Variants in CA10 observed in about 807,000 individuals in gnomAD.
CA10 encodes carbonic anhydrase 10 (inactive).
Under a neutral mutation model 44.2 loss-of-function variants are expected in CA10, and 14 were observed. That is an observed-to-expected ratio of 0.32 (90% confidence interval 0.21 to 0.50). The LOEUF is 0.50. CA10 is among the 20% of genes least tolerant of loss of function. CA10 has a pLI of 0.99. For missense variants in CA10, 350 were observed against 409.7 expected (o/e 0.85, Z 1.26); for synonymous variants, 159 against 141.6 (o/e 1.12, Z -0.87).
Position 51,916,687 on chromosome 17 carries a change from A to G in CA10, c.279+14303T>C, listed in dbSNP as rs1332161886. On this transcript the variant is annotated intron_variant, in intron 3 of 8. Transcript: ENST00000451037. Reference sequence around the variant, plus strand: ...ACCCAGCCTTGGGTATATCTTTATCAGCAGTATGAAAGCAGACTAATACAA... The same window carrying G: ...ACCCAGCCTTGGGTATATCTTTATCGGCAGTATGAAAGCAGACTAATACAA... 2.0e-5 allele frequency among the ~76,000 whole-genome samples: 3 copies of G among 152,274 alleles called. No homozygotes were observed. In the East Asian group the frequency reaches 5.8e-4, roughly 29 times the overall value.
chr17:51,929,900 C>T (rs1227372461), intron 3 of CA10, among the ~76,000 whole-genome samples: 1 of 152,164 alleles, frequency 6.6e-6, no homozygotes, highest in East Asian at 1.9e-4. Context: ...TACACAAATA[C>T]TGCATAACTA....
chr17:51,696,723 A>C (rs1240351984), intron 4 of CA10, among the ~76,000 whole-genome samples: 1 of 152,130 alleles, frequency 6.6e-6, no homozygotes, highest in Non-Finnish European at 1.5e-5. Flanking sequence ...GGTGTTTAGC[A>C]CTATAAACTG....
At chr17:51,992,178 G>A (rs1424948206) in intron 2 of CA10, among the ~76,000 whole-genome samples, 4 of 152,000 alleles carry the variant, frequency 2.6e-5, no homozygotes, top group Non-Finnish European at 5.9e-5. Context: ...CCACTGTCCT[G>A]TTGTGTCCAT....
At chr17:51,759,832 G>A (rs1428614453) in intron 3 of CA10, among the ~76,000 whole-genome samples, 1 of 151,808 alleles carries the variant, frequency 6.6e-6, no homozygotes, top group African/African-American at 2.4e-5. Flanking sequence ...TCCTCCCTTC[G>A]TGCCTTAAGG....
chr17:51,727,917 T>C (rs1307684017), intron 4 of CA10, among the ~76,000 whole-genome samples: 2 of 151,962 alleles, frequency 1.3e-5, no homozygotes, highest in Admixed American at 1.3e-4. Context: ...GGACGGGGTC[T>C]CACTGTCACC....
At chr17:51,739,730 C>T (rs76609125) in intron 4 of CA10, among the ~76,000 whole-genome samples, 2,800 of 152,256 alleles carry the variant, frequency 0.018, 78 homozygotes, top group African/African-American at 0.064. Flanking sequence ...ACTTCCTCTC[C>T]TTAGATCAGA....
At chr17:52,041,399 C>A (rs1280776804) in intron 2 of CA10, among the ~76,000 whole-genome samples, 5 of 151,936 alleles carry the variant, frequency 3.3e-5, no homozygotes, top group Non-Finnish European at 7.4e-5. Flanking sequence ...AAAGCATGAG[C>A]ATGATTAGAA....
chr17:51,930,921 G>A (rs952763638), intron 3 of CA10, 69 bp downstream of exon 3: 5 of 1,569,230 alleles, frequency 3.2e-6, no homozygotes, highest in Non-Finnish European at 3.5e-6. Context: ...CTGAAGCCTT[G>A]AGGATTAGCT....
At chr17:51,783,250 C>T (rs1906129514) in intron 3 of CA10, among the ~76,000 whole-genome samples, 1 of 152,132 alleles carries the variant, frequency 6.6e-6, no homozygotes, top group Admixed American at 6.5e-5. Context: ...TTGAATGGCC[C>T]ATTAGAGAAG....
At chr17:51,679,891 C>G (rs751499334) in intron 4 of CA10, among the ~76,000 whole-genome samples, 6 of 152,126 alleles carry the variant, frequency 3.9e-5, no homozygotes, top group African/African-American at 1.4e-4. Context: ...CAAACCAAAA[C>G]AATTGAAGAA....
intron 1 of CA10, among the ~76,000 whole-genome samples, chr17:52,131,923 C>T (rs1373919057): frequency 6.6e-6 from 1 of 151,748 alleles, no homozygotes; most frequent in Non-Finnish European, 1.5e-5. Flanking sequence ...AAAAACCAAA[C>T]ACTGCATGTT....
At chr17:52,090,943 G>A (rs1024667760) in intron 1 of CA10, among the ~76,000 whole-genome samples, 9 of 152,078 alleles carry the variant, frequency 5.9e-5, no homozygotes, top group Non-Finnish European at 1.3e-4. Context: ...GTAAATAGCT[G>A]CTGACTACAC....
intron 1 of CA10, among the ~76,000 whole-genome samples, chr17:52,072,716 CAA>C (rs1491266309): frequency 1.6e-5 from 2 of 123,400 alleles, no homozygotes; most frequent in African/African-American, 3.2e-5. Context: ...CACACACACA[CAA>C]CACACACACA....
intron 2 of CA10, among the ~76,000 whole-genome samples, chr17:52,007,692 CT>C (rs1241550566): frequency 2.0e-5 from 3 of 151,226 alleles, no homozygotes; most frequent in Non-Finnish European, 4.4e-5. Flanking sequence ...ATAGCTTATA[CT>C]TTTTTTTCCT....
intron 1 of CA10, among the ~76,000 whole-genome samples, chr17:52,141,627 A>T (rs897468295): frequency 2.6e-5 from 4 of 152,232 alleles, no homozygotes; most frequent in African/African-American, 9.6e-5. Context: ...TCAATGAATG[A>T]GCATGACTGT....
At chr17:52,084,815 AT>A (rs34157215) in intron 1 of CA10, among the ~76,000 whole-genome samples, 91,329 of 151,988 alleles carry the variant, frequency 0.6, 28,611 homozygotes, top group African/African-American at 0.78. Flanking sequence ...TACAGACTAT[AT>A]TAGCCATATC....
intron 3 of CA10, among the ~76,000 whole-genome samples, chr17:51,861,401 G>GAA (rs985295300): frequency 6.6e-6 from 1 of 151,998 alleles, no homozygotes; most frequent in African/African-American, 2.4e-5. Context: ...GAGAGAGAGA[G>GAA]AAAAAAGATG....
At chr17:52,108,554 G>T (rs573577350) in intron 1 of CA10, among the ~76,000 whole-genome samples, 46 of 151,922 alleles carry the variant, frequency 3.0e-4, no homozygotes, top group African/African-American at 1.0e-3. Context: ...AAAAAAATTA[G>T]CTGGGCGTGG....
At chr17:51,865,786 G>A (rs1979520314) in intron 3 of CA10, among the ~76,000 whole-genome samples, 1 of 152,180 alleles carries the variant, frequency 6.6e-6, no homozygotes, top group African/African-American at 2.4e-5. Context: ...CCTCATCTAT[G>A]ATGTTAGGCT....
Sources: gnomAD v4.1 joint callset for allele counts (sites outside exome capture counted in the v4.1 genomes callset) on GRCh38, gnomAD v4.1.1 for gene constraint, MANE v1.5 for transcripts, NCBI Gene and HGNC (gene_info 2026-07-23, HGNC 2026-07-21) for gene names.